Variants in FILIP1 observed in about 807,000 individuals in gnomAD.
FILIP1 encodes filamin A interacting protein 1.
Under a neutral mutation model 102.1 loss-of-function variants are expected in FILIP1, and 61 were observed. That is an observed-to-expected ratio of 0.60 (90% CI 0.49 to 0.74). The LOEUF (loss-of-function observed/expected upper bound fraction) is 0.74. Ranked by LOEUF, FILIP1 falls within the 30% of genes least tolerant of loss-of-function variation. The pLI, the probability that FILIP1 is intolerant of heterozygous loss-of-function variation, is 0.00. For synonymous variants in FILIP1, 491 were observed against 526.9 expected (o/e 0.93, Z 0.93); for missense variants, 1,314 against 1,441.2 (o/e 0.91, Z 1.43).
chr6:75,314,739 T>G lies in FILIP1; in HGVS notation c.1093A>C (p.Lys365Gln). 1.2e-6 allele frequency: 2 copies of G among 1,614,210 alleles called. No homozygotes were observed. The highest frequency in any genetic ancestry group is 2.7e-5 in the African/African-American group (2 of 75,070). ...TTTCCACATTCTCCTTTGGCAATTT[T>G]ATCTCTTAATTCTTGAAGTTCTTCC... ...AEEELQELRDKIAKGECGNSS... is the reference protein window; with the variant it reads ...AEEELQELRDQIAKGECGNSS... Residue 365 changes from lysine (K) to glutamine (Q), a missense_variant, in exon 5 of 6, where the codon AAA becomes CAA. By Grantham distance (53) the Lys-to-Gln change is moderately conservative (BLOSUM62 1). Coordinates refer to ENST00000237172, the MANE Select transcript of FILIP1 (RefSeq NM_015687.5).
chr6:75,309,895 C>T lies in FILIP1; in HGVS notation c.3436-998G>A, dbSNP rs545885080. Among the ~76,000 whole-genome samples the T allele has an allele frequency of 2.0e-5, 3 of 152,308 alleles. No individual in the cohort carries two copies. In the South Asian group the frequency reaches 6.2e-4, roughly 32 times the overall value. On this transcript the variant is annotated intron_variant, in intron 5 of 5. Transcript: ENST00000237172. ...TAAGATAGAGAATTGCAACAGCATC[C>T]CTGTCCCTCCAAGTTATCCTTTAAA...
chr6:75,344,538 G>A (rs1315353938), intron 4 of FILIP1, among the ~76,000 whole-genome samples: 1 of 152,184 alleles, frequency 6.6e-6, no homozygotes, highest in Non-Finnish European at 1.5e-5. Context: ...CCTTTCCCTG[G>A]TGGTCAGAGA....
At chr6:75,487,542 T>TTG (rs138998752) in intron 1 of FILIP1, among the ~76,000 whole-genome samples, 4 of 151,656 alleles carry the variant, frequency 2.6e-5, no homozygotes, top group Admixed American at 6.6e-5. Context: ...CATCTATGAC[T>TTG]TGTGTGTGTG....
chr6:75,331,819 C>A (rs1294488087), intron 4 of FILIP1, among the ~76,000 whole-genome samples: 1 of 152,124 alleles, frequency 6.6e-6, no homozygotes, highest in East Asian at 1.9e-4. Context: ...AGGTTTATAT[C>A]CCCTCACATT....
intron 4 of FILIP1, among the ~76,000 whole-genome samples, chr6:75,331,907 A>G (rs1324574954): frequency 6.6e-6 from 1 of 152,182 alleles, no homozygotes; most frequent in Admixed American, 6.5e-5. Flanking sequence ...TGATTAGGTC[A>G]GAAAGGTGGA....
exon 7 of FILIP1, chr6:75,295,946 G>A: frequency 6.8e-7 from 1 of 1,460,500 alleles, no homozygotes; most frequent in South Asian, 1.4e-5. Context: ...GAATGATGAT[G>A]CTTTCTATAA....
chr6:75,399,502 A>G (rs563005784), intron 2 of FILIP1, among the ~76,000 whole-genome samples: 36 of 152,316 alleles, frequency 2.4e-4, no homozygotes, highest in Admixed American at 2.0e-3. Flanking sequence ...GTGATTTAAA[A>G]TCATTAGCTT....
intron 1 of FILIP1, among the ~76,000 whole-genome samples, chr6:75,475,634 C>A (rs923062073): frequency 6.6e-6 from 1 of 151,890 alleles, no homozygotes; most frequent in African/African-American, 2.4e-5. Flanking sequence ...GTATACAAAT[C>A]AAAACTATCA....
chr6:75,355,698 T>C (rs1212719701), intron 3 of FILIP1, among the ~76,000 whole-genome samples: 1 of 152,154 alleles, frequency 6.6e-6, no homozygotes, highest in Non-Finnish European at 1.5e-5. Flanking sequence ...CCACCGCACC[T>C]GTCCTGGCCA....
chr6:75,343,625 C>G (rs1199856041), intron 4 of FILIP1, among the ~76,000 whole-genome samples: 1 of 152,126 alleles, frequency 6.6e-6, no homozygotes, highest in Non-Finnish European at 1.5e-5. Flanking sequence ...ATACCTGGAT[C>G]CTTGCTTTTG....
In FILIP1 at chr6:75,314,798, A is replaced by G. The variant is rs1256534711; in HGVS notation, c.1034T>C (p.Leu345Pro). The change falls in exon 5 of 6, where the codon CTA (leucine) becomes CCA (proline). Residue 345 changes from leucine (L) to proline (P), a missense_variant. Physicochemically the swap from Leu to Pro is moderately conservative, Grantham distance 98. This residue lies in a region of FILIP1 where 494 missense variants were observed against 511.2 expected (regional missense o/e 0.97). Transcript: ENST00000237172. ...CTGCAGATTTTTGTTGGTCTCTTCT[A>G]GCTCCTCGATTCTTTGGGTTAAGCC... ...LVGLTQRIEE[L>P]EETNKNLQKA... is the part of the protein sequence containing the mutation. 6.2e-7 allele frequency: 1 copy of G among 1,613,994 alleles called. No homozygotes were observed. The highest frequency in any genetic ancestry group is 8.5e-7 in the Non-Finnish European group (1 of 1,180,002).
intron 1 of FILIP1, among the ~76,000 whole-genome samples, chr6:75,442,060 G>T (rs1398472129): frequency 2.6e-5 from 4 of 151,686 alleles, no homozygotes; most frequent in Non-Finnish European, 4.4e-5. Context: ...GGGTGGAGGG[G>T]CTCCTCACTT....
chr6:75,372,754 GAA>G (rs1192357879), intron 2 of FILIP1, among the ~76,000 whole-genome samples: 1,025 of 31,268 alleles, frequency 0.033, 96 homozygotes, highest in Middle Eastern at 0.048. Context: ...AAGAAAGAAA[GAA>G]AGAAAGAAAG....
intron 4 of FILIP1, among the ~76,000 whole-genome samples, chr6:75,336,819 T>C (rs1344021594): frequency 1.3e-5 from 2 of 152,122 alleles, no homozygotes; most frequent in Non-Finnish European, 2.9e-5. Flanking sequence ...TGAGACTCAC[T>C]CAAAAAGGCT....
chr6:75,341,489 T>A (rs924336273), intron 4 of FILIP1, among the ~76,000 whole-genome samples: 5 of 152,098 alleles, frequency 3.3e-5, no homozygotes, highest in Admixed American at 2.0e-4. Flanking sequence ...AGTCCTCCAG[T>A]CTTAGAATAT....
intron 3 of FILIP1, among the ~76,000 whole-genome samples, chr6:75,356,657 C>T (rs200403593): frequency 3.3e-5 from 5 of 151,836 alleles, no homozygotes; most frequent in Non-Finnish European, 4.4e-5. Context: ...TTAGTAGAGA[C>T]GGGGTTTCAC....
chr6:75,317,203 C>A (rs2149555658), intron 4 of FILIP1, among the ~76,000 whole-genome samples: 1 of 152,166 alleles, frequency 6.6e-6, no homozygotes, highest in East Asian at 1.9e-4. Context: ...ATTTTTTCAC[C>A]AGTAGAGGAA....
intron 1 of FILIP1, among the ~76,000 whole-genome samples, chr6:75,423,927 C>A (rs1185096089): frequency 6.6e-6 from 1 of 152,162 alleles, no homozygotes; most frequent in Non-Finnish European, 1.5e-5. Context: ...TGATTGTAAT[C>A]ATCCCTATTT....
intron 4 of FILIP1, among the ~76,000 whole-genome samples, chr6:75,326,754 C>T (rs757096218): frequency 3.3e-5 from 5 of 152,212 alleles, no homozygotes; most frequent in Non-Finnish European, 5.9e-5. Flanking sequence ...TGCACAAACA[C>T]TGTGCTTTCA....
Sources: allele counts gnomAD v4.1 joint callset (sites outside exome capture counted in the v4.1 genomes callset), GRCh38; gene constraint gnomAD v4.1.1; regional missense constraint gnomAD v4.1.1; transcripts MANE v1.5; gene names NCBI Gene and HGNC (gene_info 2026-07-23, HGNC 2026-07-21).